Variants in OSBP2 observed in about 807,000 individuals in gnomAD.
OSBP2 encodes oxysterol-binding protein 2.
In OSBP2, 66 loss-of-function variants were observed where a neutral mutation model predicts 96.0. The observed-to-expected ratio is 0.69, with a 90% confidence interval of 0.56 to 0.84. The LOEUF is 0.84. OSBP2 is among the 40% of genes least tolerant of loss of function. OSBP2 has a pLI of 0.00. For missense variants in OSBP2, 1,038 were observed against 1,222.7 expected, an observed-to-expected ratio of 0.85 and a Z score of 2.25; for synonymous variants, 525 against 520.9, an observed-to-expected ratio of 1.01 and a Z score of -0.11.
intron 2 of OSBP2, among the ~76,000 whole-genome samples, chr22:30,769,133 C>CGGTCAGTTT (rs2090316513): frequency 6.6e-6 from 1 of 152,194 alleles, no homozygotes; most frequent in Non-Finnish European, 1.5e-5. Flanking sequence ...GGGGGCCCCT[C>CGGTCAGTTT]GGTCAGTTTG....
At position 30,874,968 on chromosome 22, in the gene OSBP2, G is replaced by A. The variant is rs192477737; in HGVS notation, c.1107+4286G>A. 2.4e-3 allele frequency among the ~76,000 whole-genome samples: 371 copies of A among 152,328 alleles called. 2 individuals carry two copies. The highest frequency in any genetic ancestry group is 2.6e-3 in the Non-Finnish European group (177 of 68,032). On this transcript the variant is annotated intron_variant, in intron 3 of 13. Transcript: ENST00000332585. ...CCCCAGTGGGCTTTGTGCTCCCTGAGGTCAGGCTGAGTGTCTTACTCACGG... is the reference window on the plus strand; with the variant it reads ...CCCCAGTGGGCTTTGTGCTCCCTGAAGTCAGGCTGAGTGTCTTACTCACGG...
intron 1 of OSBP2, among the ~76,000 whole-genome samples, chr22:30,704,517 A>ATTT (rs34976215): frequency 7.0e-6 from 1 of 143,210 alleles, no homozygotes; most frequent in Non-Finnish European, 1.5e-5. Flanking sequence ...AGGAAAGCAG[A>ATTT]TTTTTTTTTT....
chr22:30,788,618 C>T (rs763114499), intron 2 of OSBP2, among the ~76,000 whole-genome samples: 3 of 152,172 alleles, frequency 2.0e-5, no homozygotes, highest in Non-Finnish European at 4.4e-5. Context: ...ACCGTAGCTC[C>T]AGCATAATGA....
intron 1 of OSBP2, among the ~76,000 whole-genome samples, chr22:30,713,002 C>G (rs1362759586): frequency 6.6e-6 from 1 of 151,902 alleles, no homozygotes; most frequent in East Asian, 1.9e-4. Flanking sequence ...CCTCAATGTT[C>G]TGCACTCAAG....
At chr22:30,837,454 G>C (rs568715478) in intron 2 of OSBP2, among the ~76,000 whole-genome samples, 4 of 152,264 alleles carry the variant, frequency 2.6e-5, no homozygotes, top group African/African-American at 9.6e-5. Context: ...ATTCTACCTA[G>C]CAGTGCTGTG....
intron 2 of OSBP2, among the ~76,000 whole-genome samples, chr22:30,744,863 G>C (rs886113289): frequency 3.6e-4 from 55 of 152,256 alleles, no homozygotes; most frequent in African/African-American, 1.3e-3. Context: ...AACAACAGCA[G>C]ATTATAATTT....
chr22:30,728,947 A>G (rs997977849), intron 1 of OSBP2, among the ~76,000 whole-genome samples: 5 of 152,198 alleles, frequency 3.3e-5, no homozygotes, highest in African/African-American at 1.2e-4. Flanking sequence ...TTTTAGGAAT[A>G]ATGTTGTGAA....
intron 2 of OSBP2, among the ~76,000 whole-genome samples, chr22:30,799,281 T>G (rs1827876000): frequency 6.6e-6 from 1 of 152,108 alleles, no homozygotes; most frequent in Admixed American, 6.5e-5. Context: ...AGCTAATTTT[T>G]GTATTTTTAA....
At chr22:30,834,070 C>G (rs759552643) in intron 2 of OSBP2, among the ~76,000 whole-genome samples, 1 of 151,066 alleles carries the variant, frequency 6.6e-6, no homozygotes, top group Non-Finnish European at 1.5e-5. Context: ...TTTTTTTTGA[C>G]ATAGGGTCTT....
At chr22:30,703,975 C>T (rs986681989) in intron 1 of OSBP2, among the ~76,000 whole-genome samples, 9 of 152,166 alleles carry the variant, frequency 5.9e-5, no homozygotes, top group Non-Finnish European at 1.2e-4. Flanking sequence ...GAGTGCTGAT[C>T]TTGCCATCCT....
chr22:30,894,425 G>A (rs946105055), intron 12 of OSBP2: 3 of 165,396 alleles, frequency 1.8e-5, no homozygotes, highest in African/African-American at 7.2e-5. Flanking sequence ...ACACAGGTCA[G>A]AAGAAGTGAC....
At chr22:30,817,626 T>C (rs2091097502) in intron 2 of OSBP2, among the ~76,000 whole-genome samples, 1 of 152,194 alleles carries the variant, frequency 6.6e-6, no homozygotes, top group South Asian at 2.1e-4. Flanking sequence ...TGTGGTTCGA[T>C]AGGCTGGGGT....
intron 2 of OSBP2, among the ~76,000 whole-genome samples, chr22:30,745,590 C>T (rs1429962461): frequency 2.7e-5 from 4 of 149,266 alleles, no homozygotes; most frequent in East Asian, 2.0e-4. Context: ...TCACTTGAAC[C>T]GGGGAGGCAG....
intron 3 of OSBP2, among the ~76,000 whole-genome samples, chr22:30,873,654 C>T (rs986324774): frequency 9.2e-5 from 14 of 152,210 alleles, no homozygotes; most frequent in South Asian, 2.1e-4. Context: ...CATCCCCTAG[C>T]GCCCGTGCCT....
intron 2 of OSBP2, among the ~76,000 whole-genome samples, chr22:30,837,069 G>T (rs1466294595): frequency 6.6e-6 from 1 of 151,910 alleles, no homozygotes; most frequent in East Asian, 1.9e-4. Flanking sequence ...TGGCCAACAT[G>T]GCGAAACCCC....
chr22:30,861,044 G>A (rs1024418329), intron 2 of OSBP2, among the ~76,000 whole-genome samples: 1 of 152,172 alleles, frequency 6.6e-6, no homozygotes, highest in Admixed American at 6.5e-5. Context: ...TTTGGTTCAT[G>A]ACTTTGACCA....
chr22:30,737,467 C>T (rs530610858), intron 1 of OSBP2, among the ~76,000 whole-genome samples: 37 of 151,492 alleles, frequency 2.4e-4, no homozygotes, highest in Non-Finnish European at 5.2e-4. Flanking sequence ...GGACTACAGG[C>T]GCACACCACC....
chr22:30,884,356 C>T (rs988123580), intron 3 of OSBP2, among the ~76,000 whole-genome samples: 6 of 152,140 alleles, frequency 3.9e-5, no homozygotes, highest in Admixed American at 1.3e-4. Context: ...CAGCATCTGT[C>T]GGGCATCACC....
At chr22:30,822,477 G>T in intron 2 of OSBP2, 1 of 1,142,582 alleles carries the variant, frequency 8.8e-7, no homozygotes, top group Non-Finnish European at 1.1e-6. Context: ...GGTGGCGGGC[G>T]GCAGTGGTGC....
Sources: allele counts gnomAD v4.1 joint callset (sites outside exome capture counted in the v4.1 genomes callset), GRCh38; gene constraint gnomAD v4.1.1; transcripts MANE v1.5; gene names NCBI Gene and HGNC (gene_info 2026-07-23, HGNC 2026-07-21).